PTH2R: variants seen among roughly 807,000 people sequenced by gnomAD.
The protein encoded by PTH2R is PTH2 receptor.
Under a neutral mutation model 60.3 loss-of-function variants are expected in PTH2R, and 59 were observed. That is an observed-to-expected ratio of 0.98 (90% CI 0.79 to 1.22). The LOEUF (loss-of-function observed/expected upper bound fraction) is 1.22, where lower values mean the gene tolerates loss of function less well. Among genes scored for constraint, PTH2R ranks in the 50% most tolerant of loss-of-function variants. The probability of loss-of-function intolerance (pLI) is 0.00; values close to 1 mark genes in which losing one functional copy is unlikely to be tolerated. For synonymous variants in PTH2R, 256 were observed against 243.8 expected, an observed-to-expected ratio of 1.05 and a Z score of -0.47; for missense variants, 749 against 682.6, an observed-to-expected ratio of 1.10 and a Z score of -1.08.
intron 1 of PTH2R, among the ~76,000 whole-genome samples, chr2:208,379,934 A>G (rs1379730226): frequency 6.6e-6 from 1 of 151,976 alleles, no homozygotes; most frequent in Non-Finnish European, 1.5e-5. Context: ...TAATCTCCAG[A>G]ATAGAAAAAT....
chr2:208,395,339 C>T (rs1898435), intron 1 of PTH2R, among the ~76,000 whole-genome samples: 111,610 of 151,958 alleles, frequency 0.73, 44,866 homozygotes, highest in East Asian at 0.94. Context: ...AACCACCACG[C>T]CCGGCCGAGT....
chr2:208,403,148 A>G (rs1030640475), upstream of PTH2R, among the ~76,000 whole-genome samples: 1 of 152,254 alleles, frequency 6.6e-6, no homozygotes, highest in Non-Finnish European at 1.5e-5. Flanking sequence ...TGTTAAAAAT[A>G]TGAGCTATTG....
Position 208,406,798 on chromosome 2 carries a change from C to T in PTH2R, c.-246C>T. ...GGGGCTGCGAGTCAAGTCCAGGACT[C>T]GGGCCAGTCTCTCCGGAAGACAAGA... On this transcript the variant is annotated 5_prime_UTR_variant, in exon 1 of 13. Transcript: ENST00000272847. The T allele has an allele frequency of 5.5e-6, 2 of 362,974 alleles. No individual in the cohort carries two copies. The highest frequency in any genetic ancestry group is 7.9e-5 in the East Asian group (2 of 25,322). The allele number at this position is 362,974 out of a possible 1,614,324, so 22.5% of individuals were successfully genotyped here.
intron 1 of PTH2R, among the ~76,000 whole-genome samples, chr2:208,395,054 A>AT (rs201251376): frequency 1.7e-3 from 248 of 145,610 alleles, no homozygotes; most frequent in African/African-American, 3.8e-3. Flanking sequence ...TTTCTTTTTT[A>AT]TTTTTTTTTT....
At chr2:208,377,270 C>A (rs555487364) in intron 1 of PTH2R, among the ~76,000 whole-genome samples, 1 of 152,284 alleles carries the variant, frequency 6.6e-6, no homozygotes, top group South Asian at 2.1e-4. Context: ...ATGTCTACTT[C>A]TTTCTACACA....
intron 1 of PTH2R, among the ~76,000 whole-genome samples, chr2:208,415,584 A>G (rs2105840525): frequency 6.6e-6 from 1 of 152,330 alleles, no homozygotes; most frequent in South Asian, 2.1e-4. Flanking sequence ...CTAAAGGCAT[A>G]GTGTATGTGG....
At chr2:208,444,983 G>T in intron 7 of PTH2R, 96 bp downstream of exon 7, 2 of 1,262,662 alleles carry the variant, frequency 1.6e-6, no homozygotes, top group South Asian at 1.6e-5. Context: ...CCATTTTCCT[G>T]AAACAATCCC....
intron 1 of PTH2R, among the ~76,000 whole-genome samples, chr2:208,423,961 T>C (rs929166609): frequency 2.2e-4 from 33 of 152,210 alleles, no homozygotes; most frequent in African/African-American, 7.5e-4. Context: ...GGTTCCTCCG[T>C]CAGCTATCAC....
chr2:208,401,882 G>A (rs775649445), upstream of PTH2R, among the ~76,000 whole-genome samples: 30 of 152,190 alleles, frequency 2.0e-4, no homozygotes, highest in Non-Finnish European at 4.1e-4. Context: ...TAGCCACAGT[G>A]TGTTGTTGTT....
intron 1 of PTH2R, among the ~76,000 whole-genome samples, chr2:208,400,287 C>T (rs1037232743): frequency 5.3e-5 from 8 of 152,136 alleles, no homozygotes; most frequent in African/African-American, 1.9e-4. Flanking sequence ...GTAGAATTGA[C>T]TTTGATAGAC....
chr2:208,378,109 G>T (rs374532399), intron 1 of PTH2R, among the ~76,000 whole-genome samples: 1 of 151,974 alleles, frequency 6.6e-6, no homozygotes. Context: ...ACCAGACTCC[G>T]TCTGCAATCC....
At chr2:208,407,168 G>T (rs1701432530) in intron 1 of PTH2R, 50 bp downstream of exon 1, 1 of 1,389,878 alleles carries the variant, frequency 7.2e-7, no homozygotes, top group Admixed American at 3.0e-5. Context: ...CTCCGGCGGG[G>T]ACTCAGCTTT....
chr2:208,423,787 G>T (rs557034738), intron 1 of PTH2R, among the ~76,000 whole-genome samples: 1 of 152,014 alleles, frequency 6.6e-6, no homozygotes. Context: ...TGATGCATAC[G>T]CATTTTTGAG....
At chr2:208,370,404 C>T (rs1437358112) in intron 1 of PTH2R, among the ~76,000 whole-genome samples, 6 of 125,970 alleles carry the variant, frequency 4.8e-5, no homozygotes, top group African/African-American at 1.8e-4. Context: ...GATCACACCA[C>T]TGCACCCCAG....
rs1701430658 is a variant in PTH2R, at chr2:208,407,111, G to A, written c.68G>A (p.Arg23Lys). 28 of 1,399,248 alleles carry A rather than the reference G, an allele frequency of 2.0e-5. No homozygotes were observed. The highest frequency in any genetic ancestry group is 2.6e-5 in the Non-Finnish European group (28 of 1,069,786). The allele number at this position is 1,399,248 out of a possible 1,614,324, so 86.7% of individuals were successfully genotyped here. ...WLMLGSCLLARAQLDSDGTIT... is the reference protein window; with the variant it reads ...WLMLGSCLLAKAQLDSDGTIT... ...ATGCTCGGCAGCTGCCTCCTGGCCA[G>A]AGCCCAGGTAAGAGCCAGTGCTCCG... Residue 23 changes from arginine to lysine, a missense_variant, in exon 1 of 13, where the codon AGA (arginine) becomes AAA (lysine). By Grantham distance (26) the Arg-to-Lys change is conservative. Transcript: ENST00000272847.
At chr2:208,432,747 A>G (rs1701997902) in intron 2 of PTH2R, among the ~76,000 whole-genome samples, 1 of 152,180 alleles carries the variant, frequency 6.6e-6, no homozygotes. Context: ...CCAAGAGTCC[A>G]AAGGCCGAAG....
intron 6 of PTH2R, 28 bp downstream of exon 6, chr2:208,443,565 T>G (rs115893256): frequency 6.5e-7 from 1 of 1,549,460 alleles, no homozygotes; most frequent in Non-Finnish European, 8.8e-7. Context: ...TTTCTCTCAT[T>G]ACTAATTTGT....
chr2:208,428,612 C>T lies in PTH2R; in HGVS notation c.178+309C>T, dbSNP rs182003465. 3.1e-3 allele frequency among the ~76,000 whole-genome samples: 475 copies of T among 152,280 alleles called. 1 individual carries two copies. The highest frequency in any genetic ancestry group is 0.011 in the African/African-American group (455 of 41,546). The stretch of plus-strand genomic sequence containing the variant: ...GTAGAGAGCATGCATACTGATTTGC[C>T]CTCGACCATGCAGTAAGCTTGGAGG... On this transcript the variant is annotated intron_variant, in intron 2 of 12. Coordinates refer to ENST00000272847, the MANE Select transcript of PTH2R (RefSeq NM_005048.4).
At chr2:208,365,659 G>A (rs1357576432) in intron 1 of PTH2R, among the ~76,000 whole-genome samples, 1 of 150,238 alleles carries the variant, frequency 6.7e-6, no homozygotes, top group Non-Finnish European at 1.5e-5. Context: ...GCCTAGCTTT[G>A]ATATCACACT....
Sources: allele counts gnomAD v4.1 joint callset (sites outside exome capture counted in the v4.1 genomes callset), GRCh38; gene constraint gnomAD v4.1.1; transcripts MANE v1.5; gene names NCBI Gene and HGNC (gene_info 2026-07-23, HGNC 2026-07-21).